CNGA1: variants seen among roughly 807,000 people sequenced by gnomAD.
The protein encoded by CNGA1 is cyclic nucleotide gated channel subunit alpha 1, also known as cyclic nucleotide-gated channel alpha-1.
Under a neutral mutation model 69.7 loss-of-function variants are expected in CNGA1, and 53 were observed. That is an observed-to-expected ratio of 0.76 (90% CI 0.61 to 0.96). CNGA1 has a LOEUF of 0.96. Among genes scored for constraint, CNGA1 ranks in the 40% least tolerant of loss-of-function variants. The pLI is 0.00. For missense variants in CNGA1, 739 were observed against 811.2 expected (o/e 0.91, Z 1.08); for synonymous variants, 249 against 283.5 (o/e 0.88, Z 1.22).
intron 2 of CNGA1, among the ~76,000 whole-genome samples, chr4:48,002,694 A>C (rs78873599): frequency 0.11 from 15,965 of 147,176 alleles, 1,402 homozygotes; most frequent in East Asian, 0.31. Context: ...AAAAAAAAAA[A>C]AAAAACAAAA....
chr4:48,011,156 G>C (rs1715141221), intron 1 of CNGA1, among the ~76,000 whole-genome samples: 1 of 152,136 alleles, frequency 6.6e-6, no homozygotes, highest in Non-Finnish European at 1.5e-5. Flanking sequence ...GAGCTAAGTT[G>C]CAAGTCCCAT....
chr4:47,947,269 T>C (rs1002242947), intron 6 of CNGA1, among the ~76,000 whole-genome samples: 3 of 152,174 alleles, frequency 2.0e-5, no homozygotes, highest in Admixed American at 1.3e-4. Context: ...CAAGCCAAAA[T>C]GGTCTGTGTC....
chr4:48,004,022 G>A (rs951865673), intron 2 of CNGA1, among the ~76,000 whole-genome samples: 1 of 152,194 alleles, frequency 6.6e-6, no homozygotes, highest in Admixed American at 6.5e-5. Context: ...GTGCTTCAGT[G>A]GTCATGCTTC....
At chr4:47,973,766 A>T (rs1303548364) in intron 3 of CNGA1, among the ~76,000 whole-genome samples, 1 of 152,124 alleles carries the variant, frequency 6.6e-6, no homozygotes, top group Non-Finnish European at 1.5e-5. Flanking sequence ...CAGTAGTATT[A>T]TATACTTCTG....
intron 1 of CNGA1, among the ~76,000 whole-genome samples, chr4:48,015,972 C>T (rs1198954709): frequency 1.3e-5 from 2 of 152,174 alleles, no homozygotes; most frequent in Non-Finnish European, 2.9e-5. Flanking sequence ...TCACTCTTTG[C>T]CTCTAATCCC....
At chr4:48,001,734 C>A (rs573285576) in intron 2 of CNGA1, among the ~76,000 whole-genome samples, 1 of 152,262 alleles carries the variant, frequency 6.6e-6, no homozygotes, top group Admixed American at 6.5e-5. Context: ...GCAGAATACA[C>A]ATTCTTTTCT....
chr4:47,985,136 AG>A (rs1215118560), intron 2 of CNGA1, among the ~76,000 whole-genome samples: 2 of 152,178 alleles, frequency 1.3e-5, no homozygotes, highest in Admixed American at 6.5e-5. Context: ...GTTTATTGTG[AG>A]GATTAAATGA....
intron 2 of CNGA1, among the ~76,000 whole-genome samples, chr4:48,004,847 G>GT (rs1267366807): frequency 3.3e-5 from 5 of 150,832 alleles, no homozygotes; most frequent in Admixed American, 2.0e-4. Flanking sequence ...TTAGTTTTCA[G>GT]TGACTCCAAA....
At chr4:48,005,888 G>A (rs1714894790) in intron 2 of CNGA1, among the ~76,000 whole-genome samples, 1 of 152,228 alleles carries the variant, frequency 6.6e-6, no homozygotes, top group African/African-American at 2.4e-5. Context: ...TAACTGTATT[G>A]TCGTAAGTTA....
rs879277500 is a variant in CNGA1 at position 47,938,993 on chromosome 4, G to GAAAGAA, written c.653-1165_653-1164insTTCTTT. ...GAAAGAAAGAAAAGAAAGAAAGAAA[G>GAAAGAA]AGAAAGAAAGAAAGAAAGAGAAAGA... On this transcript the variant is annotated intron_variant, in intron 10 of 10. Coordinates refer to ENST00000514170, the MANE Select transcript of CNGA1 (RefSeq NM_001379270.1). Among the ~76,000 whole-genome samples the GAAAGAA allele has an allele frequency of 2.3e-3, 318 of 140,456 alleles. 2 individuals carry two copies. Among genetic ancestry groups the GAAAGAA allele is most frequent in the African/African-American group, 7.4e-3 (265 of 36,052 alleles). 92.1% of individuals were successfully genotyped at this position (140,456 alleles called of 152,430 possible).
intron 2 of CNGA1, among the ~76,000 whole-genome samples, chr4:47,993,779 G>T (rs1448429841): frequency 6.6e-6 from 1 of 151,702 alleles, no homozygotes; most frequent in Non-Finnish European, 1.5e-5. Context: ...ACCTTAGATT[G>T]TCTGTTTGTG....
intron 1 of CNGA1, among the ~76,000 whole-genome samples, chr4:48,012,334 G>A (rs946320524): frequency 1.3e-5 from 2 of 152,066 alleles, no homozygotes; most frequent in African/African-American, 4.8e-5. Flanking sequence ...ACCAGAAAGG[G>A]CTTGATTTAG....
At position 47,987,396 on chromosome 4, in the gene CNGA1, T is replaced by G. The variant is rs1306158227; in HGVS notation, c.-122-5896A>C. ...CCTTCATGTTTATAACCATAATAAT[T>G]AAACGTTATGTAATTAATTGTTTAT... On this transcript the variant is annotated intron_variant, in intron 2 of 10. Coordinates refer to ENST00000514170, the MANE Select transcript of CNGA1 (RefSeq NM_001379270.1). Among the ~76,000 whole-genome samples the G allele has an allele frequency of 2.6e-5, 4 of 152,148 alleles. No individual in the cohort carries two copies. The East Asian group carries it at 7.7e-4, about 29-fold the overall frequency.
chr4:47,956,748 A>T (rs773575106), intron 3 of CNGA1, among the ~76,000 whole-genome samples: 1 of 152,142 alleles, frequency 6.6e-6, no homozygotes, highest in Non-Finnish European at 1.5e-5. Context: ...GGAAAAGGGA[A>T]GGAAGGAGTG....
chr4:47,956,506 C>T (rs1301843786), intron 3 of CNGA1, among the ~76,000 whole-genome samples: 1 of 152,176 alleles, frequency 6.6e-6, no homozygotes, highest in Admixed American at 6.5e-5. Flanking sequence ...GGGGTTATGC[C>T]TATGGTTCAG....
chr4:47,966,327 C>A (rs1355768978), intron 3 of CNGA1, among the ~76,000 whole-genome samples: 1 of 152,128 alleles, frequency 6.6e-6, no homozygotes, highest in Non-Finnish European at 1.5e-5. Context: ...AATAATAATG[C>A]CTTCTTTATA....
chr4:48,016,556 C>T lies in CNGA1; in HGVS notation c.-296G>A. ...TCTGTGTTTCTCTAGTTCGCGGCTC[C>T]AGCAGTCGCGCCAAGGGGCAGCTGC... On this transcript the variant is annotated 5_prime_UTR_variant, in exon 1 of 11. Transcript: ENST00000514170. 1 of 481,744 alleles carries T rather than the reference C, an allele frequency of 2.1e-6. No homozygotes were observed. Among genetic ancestry groups the T allele is most frequent in the Non-Finnish European group, 3.6e-6 (1 of 275,084 alleles). The allele number at this position is 481,744 out of a possible 1,614,324, so 29.8% of individuals were successfully genotyped here.
At chr4:47,986,535 G>A (rs1258018958) in intron 2 of CNGA1, among the ~76,000 whole-genome samples, 1 of 151,952 alleles carries the variant, frequency 6.6e-6, no homozygotes, top group African/African-American at 2.4e-5. Flanking sequence ...CATTTTTAAT[G>A]AGAATCTGTG....
intron 2 of CNGA1, among the ~76,000 whole-genome samples, chr4:47,997,045 G>C (rs186368309): frequency 1.3e-5 from 2 of 152,296 alleles, no homozygotes; most frequent in Admixed American, 1.3e-4. Context: ...GGGCAACAGA[G>C]TGAGATTCTG....
Sources: allele counts gnomAD v4.1 joint callset (sites outside exome capture counted in the v4.1 genomes callset), GRCh38; gene constraint gnomAD v4.1.1; transcripts MANE v1.5; gene names NCBI Gene and HGNC (gene_info 2026-07-23, HGNC 2026-07-21).